POLR3E: variants seen among roughly 807,000 people sequenced by gnomAD.
POLR3E encodes the protein DNA-directed RNA polymerase III subunit RPC5.
In POLR3E, 41 loss-of-function variants were observed where a neutral mutation model predicts 96.6. The observed-to-expected ratio is 0.42, with a 90% CI of 0.33 to 0.55. POLR3E has a LOEUF of 0.55. Ranked by LOEUF, POLR3E falls within the 20% of genes least tolerant of loss-of-function variation. The pLI, the probability that POLR3E is intolerant of heterozygous loss-of-function variation, is 0.06. For missense variants in POLR3E, 849 were observed against 952.1 expected, an observed-to-expected ratio of 0.89 and a Z score of 1.43; for synonymous variants, 396 against 383.6, an observed-to-expected ratio of 1.03 and a Z score of -0.38.
chr16:22,312,370 G>A (rs2048264305), intron 6 of POLR3E, among the ~76,000 whole-genome samples: 1 of 152,090 alleles, frequency 6.6e-6, no homozygotes, highest in Non-Finnish European at 1.5e-5. Flanking sequence ...GGTGGTGAGT[G>A]CCTGTAATCC....
intron 3 of POLR3E, 76 bp downstream of exon 3, chr16:22,305,282 G>T: frequency 2.0e-6 from 2 of 1,006,198 alleles, no homozygotes; most frequent in South Asian, 2.5e-5. Flanking sequence ...ACACGGGCAG[G>T]AAACGATGGG....
rs769652927 is a variant in POLR3E, at chr16:22,318,932, C to T, written c.972C>T (p.Asn324=). 3 of 1,612,214 alleles carry T rather than the reference C, an allele frequency of 1.9e-6. No homozygotes were observed. The highest frequency in any genetic ancestry group is 2.7e-5 in the African/African-American group (2 of 74,884). The change falls in exon 13 of 21, where the codon AAC becomes AAT. Residue 324 remains asparagine (N), a synonymous_variant. Coordinates refer to ENST00000299853, the MANE Select transcript of POLR3E (RefSeq NM_018119.4). The surrounding 1 kb of genome is among the most constrained non-coding windows in gnomAD (Gnocchi z 5.0). ...IQKVAMLVQG[N]WVVKSDILYP... ...AGGTGGCGATGTTGGTCCAAGGGAA[C>T]TGGGTGGTGAAGAGGTAAGTTGCTT... is the stretch of plus-strand genomic sequence containing the variant.
At chr16:22,326,768 G>A (rs928238349) in intron 18 of POLR3E, 4 of 184,788 alleles carry the variant, frequency 2.2e-5, no homozygotes, top group Non-Finnish European at 3.4e-5. Context: ...TAGTGGCCTG[G>A]AGTTTTGAAT....
At chr16:22,308,561 C>A in intron 4 of POLR3E, 1 of 441,204 alleles carries the variant, frequency 2.3e-6, no homozygotes, top group South Asian at 2.9e-5. Context: ...TCTAGCCCCT[C>A]CAGCCACATG....
At position 22,316,787 on chromosome 16, in the gene POLR3E, A is replaced by G. The variant is rs766252990; in HGVS notation, c.728+101A>G. On this transcript the variant is annotated intron_variant, in intron 10 of 20. Transcript: ENST00000299853. ...AGAGGACTGTGGCCCCTCCTGTAGCATGAGGGTGGAGCCCATTGTCCCCTG... is the reference window on the plus strand; with the variant it reads ...AGAGGACTGTGGCCCCTCCTGTAGCGTGAGGGTGGAGCCCATTGTCCCCTG... The G allele has an allele frequency of 3.9e-6, 4 of 1,038,934 alleles. No homozygotes were observed. The South Asian group carries it at 3.9e-5, about 10-fold the overall frequency. The allele number at this position is 1,038,934 out of a possible 1,614,324, so 64.4% of individuals were successfully genotyped here.
intron 3 of POLR3E, among the ~76,000 whole-genome samples, chr16:22,306,153 A>G (rs2048128373): frequency 6.6e-6 from 1 of 152,204 alleles, no homozygotes; most frequent in Non-Finnish European, 1.5e-5. Context: ...AGCTGGAATC[A>G]TGCAGTATGT....
chr16:22,333,719 A>G lies in POLR3E; in HGVS notation c.*19A>G, dbSNP rs762656081. ...GTCTTGACAATAGTAGCAAACTACT[A>G]ACCCAGCAAATCTAAGCCCAAGGAA... is the stretch of plus-strand genomic sequence containing the variant. On this transcript the variant is annotated 3_prime_UTR_variant, in exon 21 of 21. Coordinates refer to ENST00000299853, the MANE Select transcript of POLR3E (RefSeq NM_018119.4). 7.6e-6 allele frequency: 12 copies of G among 1,570,966 alleles called. No individual in the cohort carries two copies. Among genetic ancestry groups the G allele is most frequent in the Non-Finnish European group, 1.1e-5 (12 of 1,140,666 alleles).
chr16:22,324,198 A>T (rs534954034), intron 14 of POLR3E, among the ~76,000 whole-genome samples, 156 bp from the exon 15 acceptor site: 2 of 151,816 alleles, frequency 1.3e-5, no homozygotes, highest in African/African-American at 4.8e-5. Context: ...TGCAGAGCTG[A>T]AGGGACTGCC....
intron 14 of POLR3E, among the ~76,000 whole-genome samples, chr16:22,323,967 C>T (rs1316625735): frequency 2.6e-5 from 4 of 152,248 alleles, no homozygotes; most frequent in South Asian, 2.1e-4. Flanking sequence ...GAAGGATGGG[C>T]GGCCTCCAAC....
At position 22,331,935 on chromosome 16, in the gene POLR3E, G is replaced by A. The variant is rs1212934272; in HGVS notation, c.1945-125G>A. ...ACTTGGCTCATCTTTAACCAGAGGT[G>A]CTGCGTGAGGGTTTTTATCAGAGAC... On this transcript the variant is annotated intron_variant, in intron 19 of 20. Coordinates refer to ENST00000299853, the MANE Select transcript of POLR3E (RefSeq NM_018119.4). The A allele has an allele frequency of 6.8e-6, 6 of 883,742 alleles. 1 individual carries two copies. Among genetic ancestry groups the A allele is most frequent in the Non-Finnish European group, 1.1e-5 (6 of 560,662 alleles). The allele number at this position is 883,742 out of a possible 1,614,324, so 54.7% of individuals were successfully genotyped here. A position where few individuals can be genotyped will look rare whatever the true frequency, so the allele number is the denominator to read the frequency against.
chr16:22,327,844 G>A (rs560414236), intron 18 of POLR3E: 1 of 152,350 alleles, frequency 6.6e-6, no homozygotes, highest in Admixed American at 6.5e-5. Context: ...AATGTGTATT[G>A]GAGGCCTCAC....
At position 22,328,566 on chromosome 16, in the gene POLR3E, G is replaced by A. The variant is rs1194476151; in HGVS notation, c.1923G>A (p.Glu641=). The change falls in exon 19 of 21, where the codon GAG becomes GAA. Residue 641 remains glutamate (E), a synonymous_variant. Transcript: ENST00000299853. Reference sequence around the variant, plus strand: ...AGCAGAAGGTGTTTGCCCTCTGGGAGTCTGGAGACATGAGTGATCAGGTGA... The same window carrying A: ...AGCAGAAGGTGTTTGCCCTCTGGGAATCTGGAGACATGAGTGATCAGGTGA... The part of the protein sequence containing the change: ...PDEQKVFALW[E]SGDMSDQHRQ... 1.9e-6 allele frequency: 3 copies of A among 1,614,078 alleles called. No homozygotes were observed. Among genetic ancestry groups the A allele is most frequent in the Non-Finnish European group, 2.5e-6 (3 of 1,179,950 alleles).
chr16:22,308,040 C>T (rs1281840563), intron 3 of POLR3E, 108 bp from the exon 4 acceptor site: 3 of 772,612 alleles, frequency 3.9e-6, no homozygotes, highest in Non-Finnish European at 6.7e-6. Context: ...AGGGTAAGGC[C>T]AGTCTCTGCT....
intron 6 of POLR3E, 83 bp downstream of exon 6, chr16:22,309,593 C>A: frequency 1.0e-6 from 1 of 954,412 alleles, no homozygotes; most frequent in Non-Finnish European, 1.7e-6. Context: ...GCCTGGTGTC[C>A]ATCTCCCACC....
At position 22,318,743 on chromosome 16, in the gene POLR3E, T is replaced by C. The variant is rs962357346; in HGVS notation, c.866-83T>C. ...CACATTCTGGGGTTATTACATGAAC[T>C]TGAAGCTATGCGGACTCTCGGTGGA... is the stretch of plus-strand genomic sequence containing the variant. On this transcript the variant is annotated intron_variant, in intron 12 of 20. Transcript: ENST00000299853. This position sits in a 1 kb window ranked among gnomAD's most constrained non-coding sequence, Gnocchi z 5.0. 1 of 1,474,908 alleles carries C rather than the reference T, an allele frequency of 6.8e-7. No individual in the cohort carries two copies. Among genetic ancestry groups the C allele is most frequent in the Non-Finnish European group, 9.3e-7 (1 of 1,077,800 alleles). 91.4% of individuals were successfully genotyped at this position (1,474,908 alleles called of 1,614,324 possible).
At chr16:22,331,514 T>G (rs138569826) in intron 19 of POLR3E, 2 of 152,562 alleles carry the variant, frequency 1.3e-5, no homozygotes, top group East Asian at 3.9e-4. Flanking sequence ...TACTTTTTTT[T>G]GTTTTTTTCA....
At chr16:22,298,265 G>A (rs1052548325) in intron 1 of POLR3E, among the ~76,000 whole-genome samples, 1 of 152,220 alleles carries the variant, frequency 6.6e-6, no homozygotes, top group Non-Finnish European at 1.5e-5. Flanking sequence ...AGAGATAATA[G>A]AAATTCCTAC....
intron 16 of POLR3E, 63 bp from the exon 17 acceptor site, chr16:22,325,142 T>A: frequency 7.7e-7 from 1 of 1,306,230 alleles, no homozygotes; most frequent in Non-Finnish European, 1.1e-6. Context: ...GGTGGTTGTT[T>A]CTCTTGTGAA....
chr16:22,330,986 T>C (rs1292477195), intron 19 of POLR3E, among the ~76,000 whole-genome samples: 3 of 126,384 alleles, frequency 2.4e-5, no homozygotes, highest in Non-Finnish European at 1.7e-5. Flanking sequence ...ACATGAAGCA[T>C]CCTTTTTTTT....
Sources: gnomAD v4.1 joint callset for allele counts (sites outside exome capture counted in the v4.1 genomes callset) on GRCh38, gnomAD v4.1.1 for gene constraint, Gnocchi (gnomAD v3.1) non-coding constraint, MANE v1.5 for transcripts, NCBI Gene and HGNC (gene_info 2026-07-23, HGNC 2026-07-21) for gene names.